Variants in KRTAP10-6 observed in about 807,000 individuals in gnomAD.
KRTAP10-6 encodes the protein keratin associated protein 10-6.
KRTAP10-6 carries 1 observed loss-of-function variant against 0.5 expected under a neutral mutation model. The observed-to-expected ratio is 1.92, with a 90% CI of 0.68 to 9.09. The LOEUF (loss-of-function observed/expected upper bound fraction) is 9.09. Among genes scored for constraint, KRTAP10-6 ranks in the 30% most tolerant of loss-of-function variants. The probability of loss-of-function intolerance (pLI) is 0.13; values close to 1 mark genes in which losing one functional copy is unlikely to be tolerated. For missense variants in KRTAP10-6, 337 were observed against 464.2 expected (o/e 0.73, Z 2.52); for synonymous variants, 136 against 196.5 (o/e 0.69, Z 2.58).
At position 44,591,637 on chromosome 21, in the gene KRTAP10-6, C is replaced by G. The variant is rs782406979; in HGVS notation, c.848G>C (p.Cys283Ser). Reference sequence around the variant, plus strand: ...AGCCGGCTGGCAGCTAGACTGCTGGCAGCATGATGTGGAAGCCCCAGAGCA... The same window carrying G: ...AGCCGGCTGGCAGCTAGACTGCTGGGAGCATGATGTGGAAGCCCCAGAGCA... The part of the protein sequence containing the change: ...PVCSGASTSC[C>S]QQSSCQPACC... The change falls in exon 1 of 1, where the codon TGC becomes TCC. Residue 283 changes from cysteine to serine, a missense_variant. Physicochemically the swap from Cys to Ser is moderately radical, Grantham distance 112 (BLOSUM62 -1). This residue lies in a region of KRTAP10-6 where 218 missense variants were observed against 225.3 expected (regional missense o/e 0.97). Coordinates refer to ENST00000400368, the MANE Select transcript of KRTAP10-6 (RefSeq NM_198688.3). 1.4e-5 allele frequency: 22 copies of G among 1,613,528 alleles called. No homozygotes were observed. Among genetic ancestry groups the G allele is most frequent in the Non-Finnish European group, 1.9e-5 (22 of 1,179,820 alleles).
Position 44,591,892 on chromosome 21 carries a change from G to A in KRTAP10-6, c.593C>T (p.Ser198Leu), listed in dbSNP as rs1555926710. The change falls in exon 1 of 1, where the codon TCA (serine) becomes TTA (leucine). Residue 198 changes from serine to leucine, a missense_variant. This residue lies in a region of KRTAP10-6 where 218 missense variants were observed against 225.3 expected (regional missense o/e 0.97). Transcript: ENST00000400368. ...GGGTGTGCAGGAGCTGGTGCAGCCT[G>A]ATTGGCAGGGGCTGGGCTCACAGAC... is the stretch of plus-strand genomic sequence containing the variant. ...QAVCEPSPCQ[S>L]GCTSSCTPSC... The A allele has an allele frequency of 1.2e-6, 2 of 1,602,046 alleles. No homozygotes were observed. The highest frequency in any genetic ancestry group is 1.7e-6 in the Non-Finnish European group (2 of 1,178,988).
Position 44,592,403 on chromosome 21 carries a change from A to G in KRTAP10-6, c.82T>C (p.Cys28Arg), listed in dbSNP as rs373286812. The change falls in exon 1 of 1, where the codon TGC (cysteine) becomes CGC (arginine). Residue 28 changes from cysteine (C) to arginine (R), a missense_variant. Cys to Arg is a radical substitution (Grantham distance 180). Coordinates refer to ENST00000400368, the MANE Select transcript of KRTAP10-6 (RefSeq NM_198688.3). ...RVCLPGSCDS[C>R]SDSWQVDDCP... The stretch of plus-strand genomic sequence containing the variant: ...TCGTCCACCTGCCAGGAGTCGGAGC[A>G]AGAGTCACAGGAACCAGGAAGGCAG... 23 of 1,600,842 alleles carry G rather than the reference A, an allele frequency of 1.4e-5. No individual in the cohort carries two copies. Among genetic ancestry groups the G allele is most frequent in the Non-Finnish European group, 2.0e-5 (23 of 1,173,520 alleles).
Position 44,591,600 on chromosome 21 carries a change from G to A in KRTAP10-6, c.885C>T (p.Ala295=). Residue 295 remains alanine, a synonymous_variant, in exon 1 of 1, where the codon GCC becomes GCT. Coordinates refer to ENST00000400368, the MANE Select transcript of KRTAP10-6 (RefSeq NM_198688.3). ...QSSCQPACCT[A]SCCRSSSSVS... is the part of the protein sequence containing the mutation. Reference sequence around the variant, plus strand: ...CGGAGGAGGAGGATCTGCAGCAGGAGGCGGTGCAGCAAGCCGGCTGGCAGC... The same window carrying A: ...CGGAGGAGGAGGATCTGCAGCAGGAAGCGGTGCAGCAAGCCGGCTGGCAGC... The A allele has an allele frequency of 1.2e-6, 2 of 1,613,682 alleles. No individual in the cohort carries two copies. Among genetic ancestry groups the A allele is most frequent in the South Asian group, 2.2e-5 (2 of 91,016 alleles).
In KRTAP10-6 at chr21:44,591,371, A is replaced by G; in HGVS notation, c.*16T>C. The G allele has an allele frequency of 6.3e-7, 1 of 1,586,692 alleles. No homozygotes were observed. Among genetic ancestry groups the G allele is most frequent in the Non-Finnish European group, 8.6e-7 (1 of 1,163,814 alleles). ...AGCCCCTGGTGGGAAGGGACTCCGG[A>G]TCACATCCAGGGCTGTCAGCAGCTG... On this transcript the variant is annotated 3_prime_UTR_variant, in exon 1 of 1. Coordinates refer to ENST00000400368, the MANE Select transcript of KRTAP10-6 (RefSeq NM_198688.3).
In KRTAP10-6 at chr21:44,592,088, A is replaced by T. The variant is rs373258124; in HGVS notation, c.397T>A (p.Ser133Thr). 1.4e-5 allele frequency: 20 copies of T among 1,474,376 alleles called. 1 individual carries two copies. Among genetic ancestry groups the T allele is most frequent in the Non-Finnish European group, 1.8e-5 (20 of 1,094,662 alleles). 91.3% of individuals were successfully genotyped at this position (1,474,376 alleles called of 1,614,324 possible). Residue 133 changes from serine to threonine, a missense_variant, in exon 1 of 1, where the codon TCT (serine) becomes ACT (threonine). Physicochemically the swap from Ser to Thr is moderately conservative, Grantham distance 58. Transcript: ENST00000400368. Reference protein sequence around the residue: ...VCCVSVCCGDSSCCQQSSCQS... With the variant: ...VCCVSVCCGDTSCCQQSSCQS... The stretch of plus-strand genomic sequence containing the variant: ...CAGCTAGACTGCTGGCAGCATGAAG[A>T]ATCCCCACAGCAGACGGACACACAG...
rs587625096 is a variant in KRTAP10-6, at chr21:44,592,504, A to AGGGTGAGGGAGTGAGT, written c.-21_-20insACTCACTCCCTCACCC. On this transcript the variant is annotated 5_prime_UTR_variant, in exon 1 of 1. Transcript: ENST00000400368. ...GGCCATGCTGGGGTTGAACTGGTGG[A>AGGGTGAGGGAGTGAGT]GGGTGAGGGAGTGAGCCTGTGAGGT... 1.9e-3 allele frequency: 3,098 copies of AGGGTGAGGGAGTGAGT among 1,592,400 alleles called. 41 individuals carry two copies. The African/African-American group carries it at 0.034, about 17-fold the overall frequency.
Position 44,591,628 on chromosome 21 carries a change from G to C in KRTAP10-6, c.857C>G (p.Ser286Cys). ...SGASTSCCQQ[S>C]SCQPACCTAS... ...GGTGCAGCAAGCCGGCTGGCAGCTA[G>C]ACTGCTGGCAGCATGATGTGGAAGC... The change falls in exon 1 of 1, where the codon TCT becomes TGT. Residue 286 changes from serine (S) to cysteine (C), a missense_variant. Coordinates refer to ENST00000400368, the MANE Select transcript of KRTAP10-6 (RefSeq NM_198688.3). 1 of 1,613,884 alleles carries C rather than the reference G, an allele frequency of 6.2e-7. No homozygotes were observed. Among genetic ancestry groups the C allele is most frequent in the Non-Finnish European group, 8.5e-7 (1 of 1,179,840 alleles).
Position 44,591,377 on chromosome 21 carries a change from T to A in KRTAP10-6, c.*10A>T. 6.3e-7 allele frequency: 1 copy of A among 1,596,204 alleles called. No individual in the cohort carries two copies. The highest frequency in any genetic ancestry group is 1.7e-4 in the Middle Eastern group (1 of 5,960). ...TGGTGGGAAGGGACTCCGGATCACA[T>A]CCAGGGCTGTCAGCAGCTGGACTTC... On this transcript the variant is annotated 3_prime_UTR_variant, in exon 1 of 1. Coordinates refer to ENST00000400368, the MANE Select transcript of KRTAP10-6 (RefSeq NM_198688.3).
At position 44,592,502 on chromosome 21, in the gene KRTAP10-6, G is replaced by GGAGGGTGAGGGAGTGA. The variant is rs782022490; in HGVS notation, c.-19_-18insTCACTCCCTCACCCTC. 1 of 1,590,856 alleles carries GGAGGGTGAGGGAGTGA rather than the reference G, an allele frequency of 6.3e-7. No individual in the cohort carries two copies. The highest frequency in any genetic ancestry group is 1.4e-5 in the African/African-American group (1 of 73,496). On this transcript the variant is annotated 5_prime_UTR_variant, in exon 1 of 1. Transcript: ENST00000400368. ...GCGGCCATGCTGGGGTTGAACTGGT[G>GGAGGGTGAGGGAGTGA]GAGGGTGAGGGAGTGAGCCTGTGAG...
chr21:44,591,873 G>T, the KRTAP10-6 span: 3 of 1,591,824 alleles, frequency 1.9e-6, no homozygotes, highest in Non-Finnish European at 2.5e-6. Flanking sequence ...ATGAGGGTGT[G>T]CAGGAGCTGG....
chr21:44,592,271 A>C lies in KRTAP10-6; in HGVS notation c.214T>G (p.Cys72Gly), dbSNP rs782562235. ...RVSSPCCPVT[C>G]EPSPCQSGCT... ...CCTGATTGGCAGGGGCTGGGCTCAC[A>C]GGTCACTGGGCAGCAGGGGCTGGAC... Residue 72 changes from cysteine (C) to glycine (G), a missense_variant, in exon 1 of 1, where the codon TGT becomes GGT. This residue lies in a region of KRTAP10-6 where 87 missense variants were observed against 208.2 expected (regional missense o/e 0.42). Coordinates refer to ENST00000400368, the MANE Select transcript of KRTAP10-6 (RefSeq NM_198688.3). 2 of 1,582,512 alleles carry C rather than the reference A, an allele frequency of 1.3e-6. No individual in the cohort carries two copies. Among genetic ancestry groups the C allele is most frequent in the East Asian group, 2.3e-5 (1 of 44,214 alleles).
rs1979930971 is a variant in KRTAP10-6, at chr21:44,591,977, A to G, written c.508T>C (p.Ser170Pro). 1 of 1,600,064 alleles carries G rather than the reference A, an allele frequency of 6.2e-7. No homozygotes were observed. Among genetic ancestry groups the G allele is most frequent in the African/African-American group, 1.4e-5 (1 of 70,000 alleles). ...CAGCTAGACTGCTGGCAGCACGAAG[A>G]GGAAATCCCAGAGCAGACAGGCTTG... Reference protein sequence around the residue: ...CCKPVCSGISSSCCQQSSCVS... With the variant: ...CCKPVCSGISPSCCQQSSCVS... The change falls in exon 1 of 1, where the codon TCT becomes CCT. Residue 170 changes from serine (S) to proline (P), a missense_variant. Physicochemically the swap from Ser to Pro is moderately conservative, Grantham distance 74. Transcript: ENST00000400368.
chr21:44,591,531 C>CACG lies in KRTAP10-6; in HGVS notation c.951_953dup (p.Val318dup). The stretch of plus-strand genomic sequence containing the variant: ...CAGAGGCACCACAGGAGGGGACGGG[C>CACG]ACGCAGCAGGTGGACTTGCACACAG... On this transcript the variant is annotated inframe_insertion, in exon 1 of 1. Transcript: ENST00000400368. 1 of 1,613,080 alleles carries CACG rather than the reference C, an allele frequency of 6.2e-7. No individual in the cohort carries two copies. Among genetic ancestry groups the CACG allele is most frequent in the Non-Finnish European group, 8.5e-7 (1 of 1,179,960 alleles).
In KRTAP10-6 at chr21:44,591,984, C is replaced by T; in HGVS notation, c.501G>A (p.Gly167=). 6.2e-7 allele frequency: 1 copy of T among 1,601,726 alleles called. No individual in the cohort carries two copies. The highest frequency in any genetic ancestry group is 8.5e-7 in the Non-Finnish European group (1 of 1,176,466). ...ACTGCTGGCAGCACGAAGAGGAAAT[C>T]CCAGAGCAGACAGGCTTGCAGCAGA... ...VPVCCKPVCS[G]ISSSCCQQSS... Residue 167 remains glycine (G), a synonymous_variant, in exon 1 of 1, where the codon GGG becomes GGA. Coordinates refer to ENST00000400368, the MANE Select transcript of KRTAP10-6 (RefSeq NM_198688.3).
At chr21:44,591,438 G>T in the KRTAP10-6 span, 49 of 1,613,710 alleles carry the variant, frequency 3.0e-5, no homozygotes, top group Non-Finnish European at 4.2e-5. Context: ...CAGGGCGGGA[G>T]CACATGGGGC....
Position 44,591,434 on chromosome 21 carries a change from G to A in KRTAP10-6, c.1051C>T (p.Arg351Cys), listed in dbSNP as rs139053807. The A allele has an allele frequency of 4.4e-3, 7,127 of 1,610,134 alleles. 270 individuals are homozygous for A. The African/African-American group carries it at 0.088, about 20-fold the overall frequency. ...VSLLCRPMCS[R>C]PACYSLCSGQ... ...GAGCAGAGGCTGTAGCAGGCAGGGC[G>A]GGAGCACATGGGGCGGCAGAGGAGG... The change falls in exon 1 of 1, where the codon CGC (arginine) becomes TGC (cysteine). Residue 351 changes from arginine (R) to cysteine (C), a missense_variant. Coordinates refer to ENST00000400368, the MANE Select transcript of KRTAP10-6 (RefSeq NM_198688.3).
At position 44,592,459 on chromosome 21, in the gene KRTAP10-6, C is replaced by T. The variant is rs782027179; in HGVS notation, c.26G>A (p.Cys9Tyr). 1 of 1,611,528 alleles carries T rather than the reference C, an allele frequency of 6.2e-7. No homozygotes were observed. Reference sequence around the variant, plus strand: ...GCTGCCGTAGCTCAGGTCGCTGGAGCAGACGGACATGGTGGACGCGGCCAT... The same window carrying T: ...GCTGCCGTAGCTCAGGTCGCTGGAGTAGACGGACATGGTGGACGCGGCCAT... MAASTMSVCSSDLSYGSRV... is the reference protein window; with the variant it reads MAASTMSVYSSDLSYGSRV... Residue 9 changes from cysteine to tyrosine, a missense_variant, in exon 1 of 1, where the codon TGC becomes TAC. By Grantham distance (194) the Cys-to-Tyr change is radical (BLOSUM62 -2). Coordinates refer to ENST00000400368, the MANE Select transcript of KRTAP10-6 (RefSeq NM_198688.3).
rs233309 is a variant in KRTAP10-6 at position 44,592,301 on chromosome 21, G to A, written c.184C>T (p.Arg62Cys). Residue 62 changes from arginine to cysteine, a missense_variant, in exon 1 of 1, where the codon CGT becomes TGT. Around this residue, in one of 3 missense-constraint regions of KRTAP10-6, gnomAD observed 87 missense variants for 208.2 expected, o/e 0.42. Transcript: ENST00000400368. ...CLSLVCTPVS[R>C]VSSPCCPVTC... Reference sequence around the variant, plus strand: ...ACTGGGCAGCAGGGGCTGGACACACGGCTCACTGGGGTGCAGACCAGGCTC... The same window carrying A: ...ACTGGGCAGCAGGGGCTGGACACACAGCTCACTGGGGTGCAGACCAGGCTC... 8.9e-3 allele frequency: 12,831 copies of A among 1,442,742 alleles called. 214 individuals are homozygous for A. The highest frequency in any genetic ancestry group is 0.087 in the African/African-American group (4,916 of 56,244). 89.4% of individuals were successfully genotyped at this position (1,442,742 alleles called of 1,614,324 possible). A position where few individuals can be genotyped will look rare whatever the true frequency, so the allele number is the denominator to read the frequency against.
Position 44,591,549 on chromosome 21 carries a change from G to A in KRTAP10-6, c.936C>T (p.Cys312=), listed in dbSNP as rs1569205721. The A allele has an allele frequency of 1.9e-6, 3 of 1,613,750 alleles. No individual in the cohort carries two copies. The highest frequency in any genetic ancestry group is 2.2e-5 in the East Asian group (1 of 44,632). ...GGACGGGCACGCAGCAGGTGGACTT[G>A]CACACAGGGTGGCAGAGGAGGGACA... ...SSVSLLCHPV[C]KSTCCVPVPS... is the part of the protein sequence containing the mutation. The change falls in exon 1 of 1, where the codon TGC becomes TGT. Residue 312 remains cysteine, a synonymous_variant. Coordinates refer to ENST00000400368, the MANE Select transcript of KRTAP10-6 (RefSeq NM_198688.3).
Sources: gnomAD v4.1 joint callset for allele counts on GRCh38, gnomAD v4.1.1 for gene constraint, gnomAD v4.1.1 regional missense constraint, MANE v1.5 for transcripts, NCBI Gene and HGNC (gene_info 2026-07-23, HGNC 2026-07-21) for gene names.